The following PLCL2 variants were observed in gnomAD, a reference collection of about 807,000 sequenced individuals.
PLCL2 encodes the protein inactive phospholipase C-like protein 2.
A neutral mutation model predicts 79.6 loss-of-function variants in PLCL2; 4 were observed. The observed-to-expected ratio is 0.05, with a 90% CI of 0.02 to 0.11. The LOEUF is 0.11. Ranked by LOEUF, PLCL2 falls within the 10% of genes least tolerant of loss-of-function variation. The pLI, the probability that PLCL2 is intolerant of heterozygous loss-of-function variation, is 1.00. For synonymous variants in PLCL2, 484 were observed against 457.7 expected (o/e 1.06, Z -0.73); for missense variants, 895 against 1,291.0 (o/e 0.69, Z 4.70).
intron 1 of PLCL2, among the ~76,000 whole-genome samples, chr3:16,901,019 A>G (rs972700834): frequency 2.0e-5 from 3 of 152,214 alleles, no homozygotes; most frequent in African/African-American, 4.8e-5. Flanking sequence ...TCTTCTGTGA[A>G]AGGAACTGAA....
chr3:16,902,907 A>G (rs1394201705), intron 1 of PLCL2, among the ~76,000 whole-genome samples: 2 of 149,898 alleles, frequency 1.3e-5, no homozygotes, highest in African/African-American at 4.9e-5. Context: ...CTTTGGAAGG[A>G]ATCATACAAG....
intron 1 of PLCL2, among the ~76,000 whole-genome samples, chr3:16,961,724 G>A (rs1462137519): frequency 1.3e-5 from 2 of 152,182 alleles, no homozygotes. Context: ...TCTATTCTAG[G>A]TGAAGTAAGA....
intron 1 of PLCL2, among the ~76,000 whole-genome samples, chr3:16,893,481 A>C (rs949564194): frequency 6.6e-6 from 1 of 152,204 alleles, no homozygotes; most frequent in African/African-American, 2.4e-5. Context: ...GATATTGCAG[A>C]TATTAACATC....
At chr3:16,902,226 A>G (rs1029448160) in intron 1 of PLCL2, among the ~76,000 whole-genome samples, 1 of 152,198 alleles carries the variant, frequency 6.6e-6, no homozygotes, top group African/African-American at 2.4e-5. Context: ...CTTTATGGCC[A>G]TTGAATCGGA....
chr3:17,066,466 C>T (rs1297509669), intron 4 of PLCL2, among the ~76,000 whole-genome samples: 1 of 152,140 alleles, frequency 6.6e-6, no homozygotes, highest in African/African-American at 2.4e-5. Flanking sequence ...TGTCAATCAC[C>T]ATGTAAAGAG....
In PLCL2 at chr3:17,042,938, G is replaced by A. The variant is rs761300801; in HGVS notation, c.3083G>A (p.Cys1028Tyr). 2 of 1,608,718 alleles carry A rather than the reference G, an allele frequency of 1.2e-6. No individual in the cohort carries two copies. The highest frequency in any genetic ancestry group is 8.5e-7 in the Non-Finnish European group (1 of 1,175,276). ...GCTGTATATGAAAAGATCGTACATT[G>A]TCAGAAGGCAGGTAAGTGAAAGTTT... ...ADAVYEKIVH[C>Y]QKAAMEFHEH... The change falls in exon 4 of 6, where the codon TGT (cysteine) becomes TAT (tyrosine). Residue 1028 changes from cysteine (C) to tyrosine (Y), a missense_variant. Coordinates refer to ENST00000615277, the MANE Select transcript of PLCL2 (RefSeq NM_001144382.2).
At chr3:17,081,982 G>C (rs748923805) in intron 5 of PLCL2, among the ~76,000 whole-genome samples, 8 of 152,180 alleles carry the variant, frequency 5.3e-5, no homozygotes, top group Non-Finnish European at 7.4e-5. Context: ...TTGTTCAACT[G>C]AAAACATTGC....
At chr3:17,085,020 A>G (rs900085108) in intron 5 of PLCL2, among the ~76,000 whole-genome samples, 1 of 152,242 alleles carries the variant, frequency 6.6e-6, no homozygotes, top group Non-Finnish European at 1.5e-5. Flanking sequence ...ATAATCATCT[A>G]TGTAGAAAAT....
chr3:17,033,662 C>T (rs2064610161), intron 3 of PLCL2, among the ~76,000 whole-genome samples: 1 of 152,206 alleles, frequency 6.6e-6, no homozygotes, highest in African/African-American at 2.4e-5. Context: ...GCTACACCCT[C>T]TACATCTTGT....
chr3:16,903,326 C>T (rs938773985), intron 1 of PLCL2, among the ~76,000 whole-genome samples: 10 of 151,824 alleles, frequency 6.6e-5, no homozygotes, highest in Non-Finnish European at 1.0e-4. Context: ...TTGCTGCAGG[C>T]GAATATTGGG....
In PLCL2 at chr3:17,010,047, A is replaced by G; in HGVS notation, c.701A>G (p.Asn234Ser). 6.2e-7 allele frequency: 1 copy of G among 1,612,722 alleles called. No homozygotes were observed. The highest frequency in any genetic ancestry group is 8.5e-7 in the Non-Finnish European group (1 of 1,178,802). Residue 234 changes from asparagine to serine, a missense_variant, in exon 2 of 6, where the codon AAC becomes AGC. Asn to Ser is a conservative substitution (Grantham distance 46, BLOSUM62 1). Around this residue, in one of 6 missense-constraint regions of PLCL2, gnomAD observed 129 missense variants for 208.8 expected, o/e 0.62. Coordinates refer to ENST00000615277, the MANE Select transcript of PLCL2 (RefSeq NM_001144382.2). The surrounding 1 kb of genome is among the most constrained non-coding windows in gnomAD (Gnocchi z 5.8). ...ENYESLDLVANSADVANIWVT... is the reference protein window; with the variant it reads ...ENYESLDLVASSADVANIWVT... ...TATGAGTCACTGGATTTGGTTGCCA[A>G]CTCCGCAGATGTTGCAAACATCTGG...
intron 5 of PLCL2, among the ~76,000 whole-genome samples, chr3:17,079,597 G>A (rs750468887): frequency 3.3e-5 from 5 of 152,138 alleles, no homozygotes; most frequent in Admixed American, 1.3e-4. Flanking sequence ...GCCTGCCGCC[G>A]TCCTTTCCTG....
chr3:16,911,705 T>G (rs1696885632), intron 1 of PLCL2, among the ~76,000 whole-genome samples: 1 of 152,194 alleles, frequency 6.6e-6, no homozygotes, highest in Admixed American at 6.5e-5. Flanking sequence ...TATTTTTAGG[T>G]GTTCCTGATA....
At chr3:16,971,681 G>A (rs2063870116) in intron 1 of PLCL2, among the ~76,000 whole-genome samples, 2 of 152,294 alleles carry the variant, frequency 1.3e-5, no homozygotes, top group Admixed American at 6.5e-5. Context: ...CTACCCATGA[G>A]CATGGAATGT....
chr3:17,001,937 G>A (rs2064215989), intron 1 of PLCL2, among the ~76,000 whole-genome samples: 1 of 151,934 alleles, frequency 6.6e-6, no homozygotes, highest in African/African-American at 2.4e-5. Flanking sequence ...ATCATTTTGG[G>A]TAGTATGGAC....
chr3:16,894,863 G>GAT (rs538536827), intron 1 of PLCL2, among the ~76,000 whole-genome samples: 2,805 of 150,900 alleles, frequency 0.019, 35 homozygotes, highest in Non-Finnish European at 0.029. Flanking sequence ...TGTCTTTTGT[G>GAT]ATATATATAT....
intron 1 of PLCL2, among the ~76,000 whole-genome samples, chr3:16,901,362 T>C (rs971504411): frequency 6.6e-6 from 1 of 152,210 alleles, no homozygotes; most frequent in Non-Finnish European, 1.5e-5. Flanking sequence ...GGTCTCAGGC[T>C]GTCCTCCTTT....
chr3:16,969,214 G>C (rs1448788590), intron 1 of PLCL2, among the ~76,000 whole-genome samples: 1 of 151,860 alleles, frequency 6.6e-6, no homozygotes, highest in Non-Finnish European at 1.5e-5. Flanking sequence ...TTTTTTTGTT[G>C]TGTCTCTTCC....
At chr3:16,910,645 C>T (rs890709575) in intron 1 of PLCL2, among the ~76,000 whole-genome samples, 1 of 152,040 alleles carries the variant, frequency 6.6e-6, no homozygotes, top group Admixed American at 6.6e-5. Flanking sequence ...GCCAACCACT[C>T]CCAAATATAC....
Sources: gnomAD v4.1 joint callset for allele counts (sites outside exome capture counted in the v4.1 genomes callset) on GRCh38, gnomAD v4.1.1 for gene constraint, gnomAD v4.1.1 regional missense constraint, Gnocchi (gnomAD v3.1) non-coding constraint, MANE v1.5 for transcripts, NCBI Gene and HGNC (gene_info 2026-07-23, HGNC 2026-07-21) for gene names.